The following NPAS3 variants were observed in gnomAD, a reference collection of about 807,000 sequenced individuals.
The protein encoded by NPAS3 is neuronal PAS domain-containing protein 3.
A neutral mutation model predicts 73.1 loss-of-function variants in NPAS3; 14 were observed. That is an observed-to-expected ratio of 0.19 (90% CI 0.13 to 0.30). The LOEUF is 0.30. Ranked by LOEUF, NPAS3 falls within the 10% of genes least tolerant of loss-of-function variation. The pLI is 1.00. For synonymous variants in NPAS3, 620 were observed against 541.5 expected, an observed-to-expected ratio of 1.14 and a Z score of -2.01; for missense variants, 1,096 against 1,250.0, an observed-to-expected ratio of 0.88 and a Z score of 1.86.
intron 5 of NPAS3, among the ~76,000 whole-genome samples, chr14:33,601,086 G>C (rs773515484): frequency 1.3e-5 from 2 of 152,180 alleles, no homozygotes; most frequent in African/African-American, 2.4e-5. Flanking sequence ...AGAGAAAAGT[G>C]AATGTCTCCT....
intron 3 of NPAS3, among the ~76,000 whole-genome samples, chr14:33,297,209 G>A (rs1323295363): frequency 7.7e-6 from 1 of 130,458 alleles, no homozygotes; most frequent in Admixed American, 7.6e-5. Flanking sequence ...TGTTATCTGA[G>A]CAAATTACCT....
intron 6 of NPAS3, among the ~76,000 whole-genome samples, chr14:33,695,090 C>T (rs572410750): frequency 1.3e-5 from 2 of 152,272 alleles, no homozygotes; most frequent in Middle Eastern, 3.4e-3. Context: ...TACTTCTTGT[C>T]CTTTGAGGTT....
chr14:32,952,989 T>G (rs1435727085), intron 1 of NPAS3, among the ~76,000 whole-genome samples: 1 of 151,980 alleles, frequency 6.6e-6, no homozygotes, highest in Non-Finnish European at 1.5e-5. Context: ...GAGGATTGCT[T>G]GAGCCCAGGA....
intron 1 of NPAS3, among the ~76,000 whole-genome samples, chr14:32,952,952 T>C (rs1226210865): frequency 6.6e-6 from 1 of 151,802 alleles, no homozygotes; most frequent in Admixed American, 6.6e-5. Context: ...ACACCTGTAA[T>C]CCCAGCTACT....
chr14:33,324,556 G>A (rs974864149), intron 3 of NPAS3, among the ~76,000 whole-genome samples: 5 of 152,204 alleles, frequency 3.3e-5, no homozygotes, highest in Middle Eastern at 3.4e-3. Context: ...TTATTACTGC[G>A]AAAATCTTTT....
chr14:33,538,515 C>G (rs779749197), intron 4 of NPAS3, among the ~76,000 whole-genome samples: 1 of 152,196 alleles, frequency 6.6e-6, no homozygotes, highest in Non-Finnish European at 1.5e-5. Flanking sequence ...AGTAGTCAGT[C>G]TTGGACAGCT....
intron 3 of NPAS3, among the ~76,000 whole-genome samples, chr14:33,364,474 G>A (rs1005885076): frequency 2.6e-5 from 4 of 152,130 alleles, no homozygotes; most frequent in Non-Finnish European, 4.4e-5. Flanking sequence ...TGTAAAATTA[G>A]GAACTGTCTT....
At chr14:33,318,369 A>G (rs1453114309) in intron 3 of NPAS3, among the ~76,000 whole-genome samples, 1 of 152,114 alleles carries the variant, frequency 6.6e-6, no homozygotes, top group Non-Finnish European at 1.5e-5. Context: ...TTGTCATTTA[A>G]AGTGTATAGA....
intron 2 of NPAS3, among the ~76,000 whole-genome samples, chr14:33,123,030 A>T (rs538385375): frequency 6.6e-6 from 1 of 152,220 alleles, no homozygotes; most frequent in Non-Finnish European, 1.5e-5. Context: ...AAACCTGGGA[A>T]ATACTGGCCG....
At chr14:32,942,193 T>C (rs531077676) in intron 1 of NPAS3, among the ~76,000 whole-genome samples, 2 of 152,366 alleles carry the variant, frequency 1.3e-5, no homozygotes, top group Admixed American at 6.5e-5. Context: ...AAATCATTGA[T>C]TTCACAGAGG....
At chr14:33,668,002 C>T (rs2059503826) in intron 5 of NPAS3, among the ~76,000 whole-genome samples, 1 of 152,052 alleles carries the variant, frequency 6.6e-6, no homozygotes, top group Non-Finnish European at 1.5e-5. Context: ...TACCTATCAA[C>T]CCATTAGATA....
chr14:32,973,011 C>G (rs1440441509), intron 1 of NPAS3, among the ~76,000 whole-genome samples: 1 of 152,198 alleles, frequency 6.6e-6, no homozygotes, highest in Admixed American at 6.5e-5. Context: ...AGTTTGGTCA[C>G]ATTGCCTTCT....
At chr14:33,597,976 CT>C (rs1336020436) in intron 5 of NPAS3, among the ~76,000 whole-genome samples, 1 of 152,170 alleles carries the variant, frequency 6.6e-6, no homozygotes, top group Non-Finnish European at 1.5e-5. Context: ...TGCTAAATTT[CT>C]CTTAATTCTG....
chr14:33,802,343 A>G (rs2063731654), downstream of NPAS3: 1 of 150,436 alleles, frequency 6.6e-6, no homozygotes. Flanking sequence ...TAAGCTTCAG[A>G]CAGATAACTG....
At chr14:33,251,220 A>G (rs1200319038) in intron 3 of NPAS3, among the ~76,000 whole-genome samples, 2 of 152,100 alleles carry the variant, frequency 1.3e-5, no homozygotes, top group African/African-American at 4.8e-5. Flanking sequence ...TTCTTTTCCT[A>G]GCCGTTTTCC....
At chr14:33,025,410 A>T (rs551572194) in intron 1 of NPAS3, among the ~76,000 whole-genome samples, 1 of 152,334 alleles carries the variant, frequency 6.6e-6, no homozygotes, top group South Asian at 2.1e-4. Context: ...TATCAGTATT[A>T]GTTCTTTCTG....
chr14:32,952,015 A>G (rs1159181764), intron 1 of NPAS3, among the ~76,000 whole-genome samples: 2 of 152,036 alleles, frequency 1.3e-5, no homozygotes, highest in African/African-American at 4.8e-5. Context: ...TTCCCAATTA[A>G]TGATACTTAA....
chr14:33,215,379 C>T lies in NPAS3; in HGVS notation c.338C>T (p.Pro113Leu), dbSNP rs369576547. 15 of 1,613,772 alleles carry T rather than the reference C, an allele frequency of 9.3e-6. No individual in the cohort carries two copies. Among genetic ancestry groups the T allele is most frequent in the African/African-American group, 4.0e-5 (3 of 75,006 alleles). Residue 113 changes from proline (P) to leucine (L), a missense_variant, in exon 3 of 12, where the codon CCG becomes CTG. Around this residue, in one of 5 missense-constraint regions of NPAS3, gnomAD observed 215 missense variants for 260.0 expected, o/e 0.83. Transcript: ENST00000356141. ...GACTTTGCTAACCAGGGGGACCCTC[C>T]GTGGAACTTGCGAATGGAAGGCCCT... is the stretch of plus-strand genomic sequence containing the variant.
chr14:32,963,655 C>T (rs572715691), intron 1 of NPAS3, among the ~76,000 whole-genome samples: 1 of 152,054 alleles, frequency 6.6e-6, no homozygotes, highest in South Asian at 2.1e-4. Flanking sequence ...GTGCCATGAT[C>T]GACTTTGAAG....
Sources: gnomAD v4.1 joint callset for allele counts (sites outside exome capture counted in the v4.1 genomes callset) on GRCh38, gnomAD v4.1.1 for gene constraint, gnomAD v4.1.1 regional missense constraint, MANE v1.5 for transcripts, NCBI Gene and HGNC (gene_info 2026-07-23, HGNC 2026-07-21) for gene names.